The following CSMD3 variants were observed in gnomAD, a reference collection of about 807,000 sequenced individuals.
The protein encoded by CSMD3 is CUB and sushi domain-containing protein 3.
A neutral mutation model predicts 435.2 loss-of-function variants in CSMD3; 177 were observed. The observed-to-expected ratio is 0.41, with a 90% CI of 0.36 to 0.46. The LOEUF is 0.46. Among genes scored for constraint, CSMD3 ranks in the 20% least tolerant of loss-of-function variants. The pLI is 0.34. For synonymous variants in CSMD3, 1,656 were observed against 1,520.5 expected, an observed-to-expected ratio of 1.09 and a Z score of -2.07; for missense variants, 4,265 against 4,504.6, an observed-to-expected ratio of 0.95 and a Z score of 1.52.
At position 112,413,789 on chromosome 8, in the gene CSMD3, G is replaced by C. The variant is rs369998946; in HGVS notation, c.5396-4757C>G. Among the ~76,000 whole-genome samples, 4 of 152,208 alleles carry C rather than the reference G, an allele frequency of 2.6e-5. No homozygotes were observed. The East Asian group carries it at 5.8e-4, about 22-fold the overall frequency. On this transcript the variant is annotated intron_variant, in intron 32 of 70. Transcript: ENST00000297405. ...CTACCACTGCTAGCAGTCTCTCCTCGAACAATGTTTAATCAGGCTCTTCTG... is the reference window on the plus strand; with the variant it reads ...CTACCACTGCTAGCAGTCTCTCCTCCAACAATGTTTAATCAGGCTCTTCTG...
intron 4 of CSMD3, among the ~76,000 whole-genome samples, chr8:113,115,570 G>T (rs537229475): frequency 5.3e-5 from 8 of 152,100 alleles, no homozygotes; most frequent in Admixed American, 2.0e-4. Flanking sequence ...TCTTGAGTCT[G>T]GCTTCTTTCA....
chr8:112,991,410 A>G (rs1446967482), intron 6 of CSMD3, among the ~76,000 whole-genome samples: 1 of 151,772 alleles, frequency 6.6e-6, no homozygotes, highest in Non-Finnish European at 1.5e-5. Context: ...TACATGTGCA[A>G]AAATGGTCAG....
intron 1 of CSMD3, among the ~76,000 whole-genome samples, chr8:113,401,847 G>T (rs1488471291): frequency 1.3e-5 from 2 of 151,370 alleles, no homozygotes; most frequent in African/African-American, 4.8e-5. Flanking sequence ...TGTTACAATT[G>T]CCTGTAGTGT....
chr8:113,145,821 C>T (rs1351027242), intron 4 of CSMD3, among the ~76,000 whole-genome samples: 2 of 151,390 alleles, frequency 1.3e-5, no homozygotes, highest in Non-Finnish European at 3.0e-5. Flanking sequence ...TTGCAGATGG[C>T]AAAAATGAGT....
intron 3 of CSMD3, among the ~76,000 whole-genome samples, chr8:113,203,997 C>A (rs758225589): frequency 2.6e-5 from 4 of 152,002 alleles, no homozygotes; most frequent in Non-Finnish European, 5.9e-5. Flanking sequence ...GTGGAGTAAA[C>A]CTCTATTTCC....
At chr8:112,572,385 A>C (rs911636208) in intron 24 of CSMD3, among the ~76,000 whole-genome samples, 1 of 152,124 alleles carries the variant, frequency 6.6e-6, no homozygotes, top group Non-Finnish European at 1.5e-5. Flanking sequence ...AGATAATCTC[A>C]GTATTATGGA....
intron 10 of CSMD3, among the ~76,000 whole-genome samples, chr8:112,902,765 C>T (rs753427057): frequency 3.1e-4 from 47 of 151,200 alleles, no homozygotes; most frequent in Non-Finnish European, 5.6e-4. Context: ...TAATACAGTC[C>T]AAAAGTGATT....
rs1213911922 is a variant in CSMD3 at position 112,975,822 on chromosome 8, A to T, written c.1342+15T>A. The T allele has an allele frequency of 1.4e-5, 22 of 1,612,430 alleles. No homozygotes were observed. The highest frequency in any genetic ancestry group is 1.9e-5 in the Non-Finnish European group (22 of 1,179,696). On this transcript the variant is annotated intron_variant, in intron 7 of 70. Coordinates refer to ENST00000297405, the MANE Select transcript of CSMD3 (RefSeq NM_198123.2). ...GCTGTAACTAAATGGGCACAAGTAA[A>T]ATAACATCCAATACCTCTATGAGTA...
Position 113,211,520 on chromosome 8 carries a change from T to C in CSMD3, c.515-37604A>G, listed in dbSNP as rs2092834425. ...GCCTGGCCAACATGGTGAAACCCTGTCTATTCTAAAAATACAAAAATAGCC... is the reference window on the plus strand; with the variant it reads ...GCCTGGCCAACATGGTGAAACCCTGCCTATTCTAAAAATACAAAAATAGCC... On this transcript the variant is annotated intron_variant, in intron 3 of 70. Transcript: ENST00000297405. 2.0e-5 allele frequency among the ~76,000 whole-genome samples: 3 copies of C among 152,190 alleles called. No individual in the cohort carries two copies. In the South Asian group the frequency reaches 6.2e-4, roughly 32 times the overall value.
rs1285510394 is a variant in CSMD3 at position 112,370,082 on chromosome 8, A to AAGAAGAAGAAGAAGAAGAAGAAGT, written c.6136+10269_6136+10270insACTTCTTCTTCTTCTTCTTCTTCT. ...GAAGAAGAAGAAGAAGAAGAAGAAG[A>AAGAAGAAGAAGAAGAAGAAGAAGT]AGTAGTAGTAGTAGTAGTAGTCAGG... is the stretch of plus-strand genomic sequence containing the variant. On this transcript the variant is annotated intron_variant, in intron 38 of 70. Transcript: ENST00000297405. 6.4e-3 allele frequency among the ~76,000 whole-genome samples: 659 copies of AAGAAGAAGAAGAAGAAGAAGAAGT among 103,168 alleles called. 39 individuals are homozygous for AAGAAGAAGAAGAAGAAGAAGAAGT. The highest frequency in any genetic ancestry group is 0.02 in the African/African-American group (540 of 27,134). 67.7% of individuals were successfully genotyped at this position (103,168 alleles called of 152,430 possible).
intron 3 of CSMD3, among the ~76,000 whole-genome samples, chr8:113,278,161 G>A (rs1045641023): frequency 2.0e-5 from 3 of 151,740 alleles, no homozygotes. Flanking sequence ...CTTATTCCTG[G>A]AAAGGCTGTT....
chr8:112,739,378 G>C (rs891190728), intron 13 of CSMD3, among the ~76,000 whole-genome samples: 1 of 151,652 alleles, frequency 6.6e-6, no homozygotes, highest in African/African-American at 2.4e-5. Context: ...ATGAATAGTG[G>C]CTGACCTCCT....
At chr8:112,370,029 A>AGAGGAG in intron 38 of CSMD3, among the ~76,000 whole-genome samples, 1 of 62,554 alleles carries the variant, frequency 1.6e-5, no homozygotes, top group African/African-American at 4.3e-5. Flanking sequence ...AAGAGGAAGA[A>AGAGGAG]GAAGAAGAAG....
chr8:112,370,871 G>A (rs1392818662), intron 38 of CSMD3, among the ~76,000 whole-genome samples: 1 of 152,116 alleles, frequency 6.6e-6, no homozygotes, highest in Non-Finnish European at 1.5e-5. Context: ...TGACTAATGG[G>A]AACAATGCCT....
At chr8:112,680,289 C>G (rs13248739) in intron 16 of CSMD3, among the ~76,000 whole-genome samples, 31,426 of 152,132 alleles carry the variant, frequency 0.21, 4,105 homozygotes, top group Non-Finnish European at 0.3. Context: ...ACCCGGGCGG[C>G]GGAGGTTGCA....
rs1179826153 is a variant in CSMD3 at position 112,304,704 on chromosome 8, G to A, written c.8266+17C>T. 1 of 1,576,700 alleles carries A rather than the reference G, an allele frequency of 6.3e-7. No individual in the cohort carries two copies. The highest frequency in any genetic ancestry group is 2.2e-5 in the East Asian group (1 of 44,662). ...AAACATAGCTTATGAAATAAGTTTA[G>A]CAGAGTGTATACTTACTTTGGCAAT... is the stretch of plus-strand genomic sequence containing the variant. On this transcript the variant is annotated intron_variant, in intron 52 of 70. Transcript: ENST00000297405.
rs1423795697 is a variant in CSMD3, at chr8:112,223,928, AGC to A, written c.*841_*842del. On this transcript the variant is annotated 3_prime_UTR_variant, in exon 71 of 71. Transcript: ENST00000297405. ...ATAATTTTTCTAGATAATTTCTGCC[AGC>A]CAAATGGTTTTTGGGTGAGGAAACA... The A allele has an allele frequency of 6.6e-6, 1 of 152,196 alleles. No homozygotes were observed. Among genetic ancestry groups the A allele is most frequent in the Non-Finnish European group, 1.5e-5 (1 of 68,030 alleles). The allele number at this position is 152,196 out of a possible 1,614,324, so 9.4% of individuals were successfully genotyped here.
chr8:112,462,415 T>C (rs1817542000), intron 32 of CSMD3, among the ~76,000 whole-genome samples: 1 of 152,262 alleles, frequency 6.6e-6, no homozygotes, highest in African/African-American at 2.4e-5. Flanking sequence ...TTTTTCAGCT[T>C]TCTTCTGAAT....
chr8:113,325,173 G>A (rs2093975444), intron 1 of CSMD3, among the ~76,000 whole-genome samples: 1 of 152,184 alleles, frequency 6.6e-6, no homozygotes, highest in Non-Finnish European at 1.5e-5. Context: ...AATGACTTAA[G>A]ACTTTGGGAG....
Sources: gnomAD v4.1 joint callset for allele counts (sites outside exome capture counted in the v4.1 genomes callset) on GRCh38, gnomAD v4.1.1 for gene constraint, MANE v1.5 for transcripts, NCBI Gene and HGNC (gene_info 2026-07-23, HGNC 2026-07-21) for gene names.